The following KATNAL2 variants were observed in gnomAD, a reference collection of about 807,000 sequenced individuals.
The protein encoded by KATNAL2 is katanin catalytic subunit A1 like 2.
Under a neutral mutation model 76.3 loss-of-function variants are expected in KATNAL2, and 52 were observed. That is an observed-to-expected ratio of 0.68 (90% CI 0.55 to 0.86). KATNAL2 has a LOEUF of 0.86. Among genes scored for constraint, KATNAL2 ranks in the 40% least tolerant of loss-of-function variants. The pLI is 0.00. For missense variants in KATNAL2, 660 were observed against 668.9 expected (o/e 0.99, Z 0.15); for synonymous variants, 243 against 244.2 (o/e 1.00, Z 0.05).
intron 1 of KATNAL2, among the ~76,000 whole-genome samples, chr18:46,934,733 T>TC (rs2059037654): frequency 6.6e-6 from 1 of 152,218 alleles, no homozygotes; most frequent in Non-Finnish European, 1.5e-5. Context: ...CATGCCTATG[T>TC]CCTGAATGGT....
At chr18:47,045,567 TC>T (rs1394820768) in intron 3 of KATNAL2, among the ~76,000 whole-genome samples, 1 of 152,126 alleles carries the variant, frequency 6.6e-6, no homozygotes, top group Non-Finnish European at 1.5e-5. Flanking sequence ...AAGTGATCCA[TC>T]CGCCTTGGTC....
At chr18:46,931,569 C>T (rs2058923013) in intron 1 of KATNAL2, among the ~76,000 whole-genome samples, 1 of 151,518 alleles carries the variant, frequency 6.6e-6, no homozygotes, top group African/African-American at 2.4e-5. Flanking sequence ...AGGAGAATCA[C>T]TTGAATTCAG....
intron 3 of KATNAL2, chr18:47,035,119 A>G: frequency 6.2e-7 from 1 of 1,611,444 alleles, no homozygotes; most frequent in Non-Finnish European, 8.5e-7. Flanking sequence ...CGTCTTTCTG[A>G]TTCCAGTCTC....
At chr18:47,033,518 C>T (rs769385321) in intron 3 of KATNAL2, 2 of 1,614,144 alleles carry the variant, frequency 1.2e-6, no homozygotes, top group South Asian at 1.1e-5. Flanking sequence ...CTCCGTAATT[C>T]GTCTGTCTCT....
chr18:46,928,369 G>T (rs956592209), intron 1 of KATNAL2, among the ~76,000 whole-genome samples: 2 of 152,190 alleles, frequency 1.3e-5, no homozygotes, highest in African/African-American at 2.4e-5. Context: ...CTGTTTGCCT[G>T]GGTATCAGCA....
intron 3 of KATNAL2, chr18:47,033,512 G>A (rs745354631): frequency 1.2e-6 from 2 of 1,614,078 alleles, no homozygotes; most frequent in Admixed American, 1.7e-5. Context: ...TGATTCCTCC[G>A]TAATTCGTCT....
At chr18:47,033,389 T>G in intron 3 of KATNAL2, 1 of 1,614,182 alleles carries the variant, frequency 6.2e-7, no homozygotes, top group Non-Finnish European at 8.5e-7. Flanking sequence ...GCAGATCGGA[T>G]ATTCGTTGTC....
intron 17 of KATNAL2, 91 bp from the exon 18 acceptor site, chr18:47,100,775 A>C: frequency 6.9e-7 from 1 of 1,456,322 alleles, no homozygotes; most frequent in Non-Finnish European, 9.5e-7. Context: ...TGCATTATGC[A>C]TTATTTTGAA....
At chr18:47,033,126 G>T (rs1463876685) in intron 3 of KATNAL2, 4 of 1,614,110 alleles carry the variant, frequency 2.5e-6, no homozygotes, top group Non-Finnish European at 3.4e-6. Flanking sequence ...TGCTGCTCAG[G>T]CAGGGGTTGG....
At chr18:46,942,231 A>G (rs752512259) in intron 1 of KATNAL2, among the ~76,000 whole-genome samples, 3 of 152,176 alleles carry the variant, frequency 2.0e-5, no homozygotes, top group Admixed American at 1.3e-4. Context: ...TTCACCTTGT[A>G]TAGTTTCTGC....
intron 3 of KATNAL2, among the ~76,000 whole-genome samples, chr18:46,956,917 C>T (rs2059765718): frequency 1.3e-5 from 2 of 151,782 alleles, no homozygotes; most frequent in African/African-American, 2.4e-5. Flanking sequence ...GTGGCATGCA[C>T]CTGTAATCCC....
intron 15 of KATNAL2, chr18:47,099,006 TTTC>T (rs1452805575): frequency 1.3e-5 from 5 of 383,314 alleles, no homozygotes; most frequent in East Asian, 1.2e-4. Context: ...CTTCCTTCTC[TTTC>T]TTCTCCTTCC....
At chr18:47,034,218 C>A (rs770121275) in intron 3 of KATNAL2, 1 of 1,613,766 alleles carries the variant, frequency 6.2e-7, no homozygotes, top group African/African-American at 1.3e-5. Flanking sequence ...TCGGTGGCTT[C>A]CCCTCTTGAG....
chr18:46,956,105 T>TTTAGTTTTGA, intron 3 of KATNAL2, among the ~76,000 whole-genome samples: 1 of 152,230 alleles, frequency 6.6e-6, no homozygotes, highest in Non-Finnish European at 1.5e-5. Context: ...CACATGTTTA[T>TTTAGTTTTGA]ATATTCAAAT....
intron 3 of KATNAL2, among the ~76,000 whole-genome samples, chr18:46,956,259 C>T (rs72919256): frequency 0.025 from 3,760 of 152,222 alleles, 58 homozygotes; most frequent in Non-Finnish European, 0.039. Context: ...TTAACTCATA[C>T]GATAAACGCA....
chr18:47,033,280 G>A (rs1218680153), intron 3 of KATNAL2: 2 of 1,613,508 alleles, frequency 1.2e-6, no homozygotes, highest in Non-Finnish European at 1.7e-6. Context: ...AGCGTCTCCT[G>A]CAGACTTCTC....
intron 15 of KATNAL2, 195 bp downstream of exon 15, chr18:47,077,656 C>T (rs1303852089): frequency 2.0e-6 from 1 of 510,060 alleles, no homozygotes; most frequent in Non-Finnish European, 3.5e-6. Context: ...ACAGAGGAAA[C>T]ACAGGCCAGG....
intron 3 of KATNAL2, among the ~76,000 whole-genome samples, chr18:46,960,476 A>G: frequency 6.6e-6 from 1 of 151,814 alleles, no homozygotes; most frequent in Non-Finnish European, 1.5e-5. Context: ...AGCGATAGAG[A>G]TTGGAGTTTG....
Position 47,048,828 on chromosome 18 carries a change from C to CTTTTTTT in KATNAL2, c.122+2319_122+2325dup, listed in dbSNP as rs35366730. ...TGCGTATAAACTTAGAAGCCAGACTCTTTTTTTTTTTTTTTTTTTTTTTTG... is the reference window on the plus strand; with the variant it reads ...TGCGTATAAACTTAGAAGCCAGACTCTTTTTTTTTTTTTTTTTTTTTTTTTTTTTTTG... On this transcript the variant is annotated intron_variant, in intron 4 of 17. Coordinates refer to ENST00000683218, the MANE Select transcript of KATNAL2 (RefSeq NM_001387690.1). Among the ~76,000 whole-genome samples the CTTTTTTT allele has an allele frequency of 6.3e-3, 486 of 76,776 alleles. 44 individuals are homozygous for CTTTTTTT. The highest frequency in any genetic ancestry group is 0.014 in the African/African-American group (270 of 19,050). 50.4% of individuals were successfully genotyped at this position (76,776 alleles called of 152,430 possible). A position where few individuals can be genotyped will look rare whatever the true frequency, so the allele number is the denominator to read the frequency against.
Sources: allele counts gnomAD v4.1 joint callset (sites outside exome capture counted in the v4.1 genomes callset), GRCh38; gene constraint gnomAD v4.1.1; transcripts MANE v1.5; gene names NCBI Gene and HGNC (gene_info 2026-07-23, HGNC 2026-07-21).